Variants in COG6 observed in about 807,000 individuals in gnomAD.
The protein encoded by COG6 is conserved oligomeric Golgi complex subunit 6.
A neutral mutation model predicts 88.8 loss-of-function variants in COG6; 74 were observed. The ratio of observed to expected loss-of-function variants is 0.83; its 90% CI spans 0.69 to 1.01. The LOEUF is 1.01. COG6 is among the 50% of genes least tolerant of loss of function. The probability of loss-of-function intolerance (pLI) is 0.00; values close to 1 mark genes in which losing one functional copy is unlikely to be tolerated. For synonymous variants in COG6, 286 were observed against 278.7 expected (o/e 1.03, Z -0.26); for missense variants, 800 against 797.9 (o/e 1.00, Z -0.03).
In COG6 at chr13:39,788,537, A is replaced by G. The variant is rs539292811; in HGVS notation, c.*181A>G. ...GGAAATGCTGTGAGGGATGAACCAA[A>G]TGGAAACTCAGATTTACTCTTCAGA... On this transcript the variant is annotated 3_prime_UTR_variant, in exon 19 of 19. Transcript: ENST00000416691. The G allele has an allele frequency of 1.6e-5, 10 of 611,656 alleles. No homozygotes were observed. The East Asian group carries it at 2.5e-4, about 15-fold the overall frequency. 37.9% of individuals were successfully genotyped at this position (611,656 alleles called of 1,614,324 possible).
intron 16 of COG6, among the ~76,000 whole-genome samples, chr13:39,724,257 G>A (rs1478544148): frequency 1.3e-5 from 2 of 151,842 alleles, no homozygotes; most frequent in African/African-American, 4.8e-5. Context: ...ATTTTCTTGG[G>A]TATGCGTAAA....
intron 18 of COG6, among the ~76,000 whole-genome samples, chr13:39,746,412 G>A (rs757749981): frequency 5.9e-5 from 9 of 152,100 alleles, no homozygotes; most frequent in Non-Finnish European, 1.0e-4. Context: ...TAGAACCAGT[G>A]TTCAGCATGC....
intron 18 of COG6, among the ~76,000 whole-genome samples, chr13:39,773,378 C>T (rs1214182347): frequency 6.6e-6 from 1 of 152,168 alleles, no homozygotes. Context: ...TTCTGAGACT[C>T]CTGACAAAGA....
intron 18 of COG6, among the ~76,000 whole-genome samples, chr13:39,728,691 A>G (rs1172339603): frequency 1.3e-5 from 2 of 148,956 alleles, no homozygotes; most frequent in African/African-American, 2.5e-5. Flanking sequence ...TTTTTTTGAG[A>G]CGGCGTCTTG....
intron 4 of COG6, among the ~76,000 whole-genome samples, chr13:39,673,862 A>AT (rs989047348): frequency 2.6e-5 from 4 of 151,434 alleles, no homozygotes; most frequent in Non-Finnish European, 5.9e-5. Context: ...TTTTCCTATG[A>AT]TTTTTTATAT....
intron 18 of COG6, among the ~76,000 whole-genome samples, chr13:39,757,845 A>T (rs1176048716): frequency 6.6e-6 from 1 of 152,238 alleles, no homozygotes; most frequent in African/African-American, 2.4e-5. Context: ...ACATCCATGT[A>T]TAAGTGGACC....
chr13:39,761,826 A>G (rs966931262), intron 18 of COG6, among the ~76,000 whole-genome samples: 1 of 151,856 alleles, frequency 6.6e-6, no homozygotes, highest in African/African-American at 2.4e-5. Flanking sequence ...CAATACCACA[A>G]TGAGATATTA....
In COG6 at chr13:39,776,707, G is replaced by A. The variant is rs189076829; in HGVS notation, c.1827-11628G>A. 4.3e-4 allele frequency among the ~76,000 whole-genome samples: 66 copies of A among 151,988 alleles called. 1 individual carries two copies. The highest frequency in any genetic ancestry group is 1.6e-3 in the African/African-American group (65 of 41,354). On this transcript the variant is annotated intron_variant, in intron 18 of 18. Coordinates refer to the COG6 transcript ENST00000416691. ...TGTCTACTGCTGTATTCTTTCAAGC[G>A]GTTTGTCTGGTCTGGTCTTTAGTGA...
chr13:39,751,971 C>T lies in COG6; in HGVS notation c.*878C>T, dbSNP rs1163747561. 1 of 1,215,634 alleles carries T rather than the reference C, an allele frequency of 8.2e-7. No individual in the cohort carries two copies. 75.3% of individuals were successfully genotyped at this position (1,215,634 alleles called of 1,614,324 possible). ...GTGTTCAAACCAAAGAAACAATGATCTACTCAAACATTGGAGAAAAAAACT... is the reference window on the plus strand; with the variant it reads ...GTGTTCAAACCAAAGAAACAATGATTTACTCAAACATTGGAGAAAAAAACT... On this transcript the variant is annotated 3_prime_UTR_variant, in exon 19 of 19. Transcript: ENST00000455146.
intron 7 of COG6, among the ~76,000 whole-genome samples, chr13:39,681,432 T>G (rs1308380972): frequency 2.0e-5 from 3 of 152,216 alleles, no homozygotes; most frequent in Non-Finnish European, 2.9e-5. Context: ...CAAATTTTTT[T>G]GTGCTCCCGC....
chr13:39,662,895 TC>T (rs1416495801), intron 3 of COG6, among the ~76,000 whole-genome samples: 1 of 152,090 alleles, frequency 6.6e-6, no homozygotes, highest in Non-Finnish European at 1.5e-5. Context: ...GAAAAGTGTT[TC>T]TTAGAGTATC....
chr13:39,690,883 A>C (rs1356404337), intron 11 of COG6, among the ~76,000 whole-genome samples: 1 of 151,924 alleles, frequency 6.6e-6, no homozygotes, highest in Non-Finnish European at 1.5e-5. Flanking sequence ...AGACATATAT[A>C]ACTTATATAA....
chr13:39,760,455 C>A (rs1421264387), intron 18 of COG6, among the ~76,000 whole-genome samples: 3 of 151,830 alleles, frequency 2.0e-5, no homozygotes, highest in South Asian at 4.2e-4. Flanking sequence ...CATTAAAAAG[C>A]CAAAAAGGTG....
intron 18 of COG6, among the ~76,000 whole-genome samples, chr13:39,784,056 CGG>C (rs1449938270): frequency 6.6e-6 from 1 of 152,052 alleles, no homozygotes; most frequent in Admixed American, 6.6e-5. Context: ...GATGCAGGGC[CGG>C]CTCCATCTGG....
chr13:39,721,095 C>T (rs535735361), intron 15 of COG6, among the ~76,000 whole-genome samples: 61 of 152,078 alleles, frequency 4.0e-4, no homozygotes, highest in African/African-American at 1.4e-3. Context: ...TAAGAAATGT[C>T]ACTTTTTTAT....
intron 4 of COG6, among the ~76,000 whole-genome samples, chr13:39,677,185 A>G (rs1362409499): frequency 1.1e-4 from 16 of 152,142 alleles, no homozygotes; most frequent in African/African-American, 2.4e-5. Context: ...GTGGCTGCAA[A>G]TTTGTAATGC....
At chr13:39,688,658 C>G (rs538543876) in intron 10 of COG6, among the ~76,000 whole-genome samples, 1 of 152,276 alleles carries the variant, frequency 6.6e-6, no homozygotes, top group South Asian at 2.1e-4. Flanking sequence ...TTAGAGGGGA[C>G]AAACATCCAA....
chr13:39,664,836 G>T (rs944295333), intron 3 of COG6, among the ~76,000 whole-genome samples: 3 of 152,126 alleles, frequency 2.0e-5, no homozygotes, highest in Non-Finnish European at 4.4e-5. Context: ...AAAGCATCAT[G>T]AACTATTAAG....
chr13:39,771,048 T>A lies in COG6; in HGVS notation c.1827-17287T>A, dbSNP rs561168137. ...GCTGCTCCTCATTAGCTGCTCCTCA[T>A]GTCATGTAAGTAGCTGCAGATCAGG... On this transcript the variant is annotated intron_variant, in intron 18 of 18. Coordinates refer to the COG6 transcript ENST00000416691. 4.6e-5 allele frequency among the ~76,000 whole-genome samples: 7 copies of A among 152,236 alleles called. No homozygotes were observed. The East Asian group carries it at 1.4e-3, about 29-fold the overall frequency.
Sources: allele counts gnomAD v4.1 joint callset (sites outside exome capture counted in the v4.1 genomes callset), GRCh38; gene constraint gnomAD v4.1.1; transcripts MANE v1.5; gene names NCBI Gene and HGNC (gene_info 2026-07-23, HGNC 2026-07-21).